The following RAD51B variants were observed in gnomAD, a reference collection of about 807,000 sequenced individuals.
The protein encoded by RAD51B is DNA repair protein RAD51 homolog 2.
RAD51B carries 38 observed loss-of-function variants against 42.2 expected under a neutral mutation model. That is an observed-to-expected ratio of 0.90 (90% CI 0.70 to 1.18). The LOEUF is 1.18. Ranked by LOEUF, RAD51B falls within the 50% of genes most tolerant of loss-of-function variation. RAD51B has a pLI of 0.00. For missense variants in RAD51B, 373 were observed against 400.7 expected (o/e 0.93, Z 0.59); for synonymous variants, 154 against 145.2 (o/e 1.06, Z -0.43).
chr14:67,823,386 C>A (rs1290629215), intron 1 of RAD51B, 156 bp from the exon 2 acceptor site: 14 of 564,990 alleles, frequency 2.5e-5, no homozygotes, highest in Non-Finnish European at 4.0e-5. Context: ...CTATAGCATT[C>A]CTTTATCAGT....
chr14:68,336,576 A>ATTC lies in RAD51B; in HGVS notation c.853+44600_853+44602dup, dbSNP rs141991902. 3.1e-3 allele frequency among the ~76,000 whole-genome samples: 467 copies of ATTC among 152,316 alleles called. 2 individuals are homozygous for ATTC. The highest frequency in any genetic ancestry group is 0.011 in the African/African-American group (438 of 41,578). The stretch of plus-strand genomic sequence containing the variant: ...ATGCGCTCTGATCAATTACAAGCAA[A>ATTC]TTCTTCAAGTTTTTAAACAAATTAC... On this transcript the variant is annotated intron_variant, in intron 8 of 10. Transcript: ENST00000471583.
intron 8 of RAD51B, among the ~76,000 whole-genome samples, chr14:68,311,867 TG>T (rs1452721877): frequency 2.6e-5 from 4 of 152,214 alleles, no homozygotes; most frequent in African/African-American, 9.6e-5. Flanking sequence ...CACTCCAGCC[TG>T]GGCTGCAGAG....
At chr14:68,410,758 T>G (rs2084394453) in intron 8 of RAD51B, among the ~76,000 whole-genome samples, 1 of 152,094 alleles carries the variant, frequency 6.6e-6, no homozygotes, top group South Asian at 2.1e-4. Flanking sequence ...TCAGTAAAGC[T>G]TTGGAGATGT....
chr14:68,665,625 AC>A (rs1893017487), intron 11 of RAD51B, among the ~76,000 whole-genome samples: 1 of 152,252 alleles, frequency 6.6e-6, no homozygotes, highest in African/African-American at 2.4e-5. Flanking sequence ...TGGTGATTAT[AC>A]CAAACACATA....
At chr14:68,408,191 G>C (rs17105554) in intron 8 of RAD51B, among the ~76,000 whole-genome samples, 10,198 of 152,216 alleles carry the variant, frequency 0.067, 1,169 homozygotes, top group African/African-American at 0.23. Flanking sequence ...GAAATGAATG[G>C]ATGGATATAG....
intron 7 of RAD51B, among the ~76,000 whole-genome samples, chr14:68,050,522 G>A (rs2076375327): frequency 6.6e-6 from 1 of 152,098 alleles, no homozygotes; most frequent in African/African-American, 2.4e-5. Flanking sequence ...AGAAATAAAA[G>A]TACCTGAAGA....
At chr14:68,111,229 G>C (rs35444306) in intron 7 of RAD51B, among the ~76,000 whole-genome samples, 3 of 151,712 alleles carry the variant, frequency 2.0e-5, no homozygotes, top group Admixed American at 1.3e-4. Context: ...TTTTATTGTC[G>C]CCAGGAAACT....
intron 7 of RAD51B, among the ~76,000 whole-genome samples, chr14:67,994,129 T>G (rs1031131870): frequency 1.3e-5 from 2 of 152,128 alleles, no homozygotes; most frequent in Non-Finnish European, 2.9e-5. Context: ...TTTTCTTCCT[T>G]TTCCTTTTTT....
At chr14:68,267,080 G>T (rs1464837562) in intron 7 of RAD51B, among the ~76,000 whole-genome samples, 2 of 152,198 alleles carry the variant, frequency 1.3e-5, no homozygotes, top group African/African-American at 4.8e-5. Context: ...TGACTTGTAA[G>T]TCTAACCCAG....
rs188438432 is a variant in RAD51B at position 68,637,139 on chromosome 14, G to C, written c.1037-13642G>C. ...CCATTGCTCAGGCTAGAGTGCAGTGGTGCAATCATAGCTCACTGCAGCCTC... is the reference window on the plus strand; with the variant it reads ...CCATTGCTCAGGCTAGAGTGCAGTGCTGCAATCATAGCTCACTGCAGCCTC... On this transcript the variant is annotated intron_variant, in intron 10 of 11. Coordinates refer to the RAD51B transcript ENST00000488612. 5.8e-4 allele frequency among the ~76,000 whole-genome samples: 88 copies of C among 152,218 alleles called. 1 individual carries two copies. The highest frequency in any genetic ancestry group is 2.0e-3 in the African/African-American group (82 of 41,526).
chr14:68,148,604 A>G (rs895692561), intron 7 of RAD51B, among the ~76,000 whole-genome samples: 7 of 152,200 alleles, frequency 4.6e-5, no homozygotes, highest in Admixed American at 3.3e-4. Flanking sequence ...TAGAAACTAT[A>G]CTTTAAATTT....
chr14:68,470,598 A>G, intron 10 of RAD51B: 1 of 508,824 alleles, frequency 2.0e-6, no homozygotes, highest in Non-Finnish European at 3.8e-6. Flanking sequence ...ATGAAGTGAA[A>G]TTGATGAATC....
At chr14:68,241,014 A>G (rs1423298014) in intron 7 of RAD51B, among the ~76,000 whole-genome samples, 1 of 152,218 alleles carries the variant, frequency 6.6e-6, no homozygotes, top group Non-Finnish European at 1.5e-5. Context: ...GTTAGCCAGT[A>G]GCTGTTTGGA....
intron 4 of RAD51B, among the ~76,000 whole-genome samples, chr14:67,853,120 A>G (rs959847570): frequency 2.6e-5 from 4 of 152,244 alleles, no homozygotes; most frequent in Non-Finnish European, 5.9e-5. Context: ...GGCAGCCTCT[A>G]GAAGCAGTGA....
chr14:68,084,567 A>G (rs936054436), intron 7 of RAD51B, among the ~76,000 whole-genome samples: 20 of 152,346 alleles, frequency 1.3e-4, no homozygotes, highest in Admixed American at 1.1e-3. Context: ...TGGATCCTGA[A>G]CAGCTTTCAT....
At chr14:67,865,188 T>TACAGCATGAA (rs763155873) in intron 5 of RAD51B, 49 bp downstream of exon 5, 1 of 1,489,206 alleles carries the variant, frequency 6.7e-7, no homozygotes, top group Non-Finnish European at 9.0e-7. Flanking sequence ...GTAACTTATA[T>TACAGCATGAA]ACAGCATGAA....
intron 7 of RAD51B, among the ~76,000 whole-genome samples, chr14:68,056,432 AGCCACCAC>A (rs980628659): frequency 6.6e-6 from 1 of 151,472 alleles, no homozygotes; most frequent in African/African-American, 2.4e-5. Context: ...TACAGGTGTG[AGCCACCAC>A]ACCAGGACTT....
rs35200852 is a variant in RAD51B, at chr14:68,648,674, AACACACACACACACACACAC to A, written c.1037-2085_1037-2066del. On this transcript the variant is annotated intron_variant, in intron 10 of 11. Transcript: ENST00000488612. The stretch of plus-strand genomic sequence containing the variant: ...AGCTCAATAATGGTAAAAGCACACA[AACACACACACACACACACAC>A]ACACACACACACACACACACAGGGA... Among the ~76,000 whole-genome samples the A allele has an allele frequency of 7.7e-5, 11 of 143,722 alleles. No homozygotes were observed. The East Asian group carries it at 2.3e-3, about 30-fold the overall frequency. The allele number at this position is 143,722 out of a possible 152,430, so 94.3% of individuals were successfully genotyped here.
chr14:68,528,832 A>G (rs73282371), intron 10 of RAD51B, among the ~76,000 whole-genome samples: 2,849 of 152,280 alleles, frequency 0.019, 87 homozygotes, highest in African/African-American at 0.064. Flanking sequence ...ATGTTATTTC[A>G]TTAATTTTGT....
Sources: gnomAD v4.1 joint callset for allele counts (sites outside exome capture counted in the v4.1 genomes callset) on GRCh38, gnomAD v4.1.1 for gene constraint, MANE v1.5 for transcripts, NCBI Gene and HGNC (gene_info 2026-07-23, HGNC 2026-07-21) for gene names.